Variants in ATP10B observed in about 807,000 individuals in gnomAD.
ATP10B encodes ATPase phospholipid transporting 10B (putative), also known as phospholipid-transporting ATPase VB.
ATP10B carries 122 observed loss-of-function variants against 141.2 expected under a neutral mutation model. The observed-to-expected ratio is 0.86, with a 90% CI of 0.75 to 1.00. ATP10B has a LOEUF of 1.00. ATP10B is among the 50% of genes least tolerant of loss of function. The pLI, the probability that ATP10B is intolerant of heterozygous loss-of-function variation, is 0.00. For synonymous variants in ATP10B, 685 were observed against 692.0 expected (o/e 0.99, Z 0.16); for missense variants, 1,876 against 1,825.3 (o/e 1.03, Z -0.51).
the ATP10B span, among the ~76,000 whole-genome samples, chr5:160,880,771 C>T: frequency 6.6e-6 from 1 of 152,124 alleles, no homozygotes; most frequent in Non-Finnish European, 1.5e-5. Context: ...ACAGATCTTA[C>T]ATCTTTCACA....
In ATP10B at chr5:160,612,802, G is replaced by A. The variant is rs1736370588; in HGVS notation, c.2777C>T (p.Ala926Val). The change falls in exon 18 of 26, where the codon GCC (alanine) becomes GTC (valine). Residue 926 changes from alanine to valine, a missense_variant. Coordinates refer to ENST00000327245, the MANE Select transcript of ATP10B (RefSeq NM_025153.3). ...GDKQETAVNIAHSCRLLNQTD... is the reference protein window; with the variant it reads ...GDKQETAVNIVHSCRLLNQTD... The stretch of plus-strand genomic sequence containing the variant: ...CTGATTTAACAGTCTGCAGGAATGG[G>A]CAATGTTGACCGCTGTCTCCTGCTT... The A allele has an allele frequency of 6.2e-7, 1 of 1,613,902 alleles. No individual in the cohort carries two copies. The highest frequency in any genetic ancestry group is 1.3e-5 in the African/African-American group (1 of 74,894).
the ATP10B span, among the ~76,000 whole-genome samples, chr5:160,864,725 C>T: frequency 6.6e-6 from 1 of 151,974 alleles, no homozygotes; most frequent in Non-Finnish European, 1.5e-5. Context: ...TCAGTAAAGT[C>T]TCAGGATACA....
intron 7 of ATP10B, among the ~76,000 whole-genome samples, chr5:160,651,503 C>CA (rs1374543131): frequency 6.6e-6 from 1 of 151,816 alleles, no homozygotes; most frequent in Non-Finnish European, 1.5e-5. Context: ...AATTGTGCCT[C>CA]AAAAAACAGA....
the ATP10B span, among the ~76,000 whole-genome samples, chr5:160,909,581 A>G: frequency 1.3e-5 from 2 of 152,196 alleles, no homozygotes; most frequent in Non-Finnish European, 2.9e-5. Context: ...GCATTTCCCA[A>G]TGGAACAGCA....
intron 1 of ATP10B, among the ~76,000 whole-genome samples, chr5:160,834,469 T>C (rs757685908): frequency 6.6e-6 from 1 of 152,150 alleles, no homozygotes; most frequent in Non-Finnish European, 1.5e-5. Flanking sequence ...ATGAGGCAGA[T>C]ATAAATAGAG....
the ATP10B span, among the ~76,000 whole-genome samples, chr5:160,861,334 A>G: frequency 2.0e-5 from 3 of 151,968 alleles, no homozygotes; most frequent in African/African-American, 2.4e-5. Context: ...TTTTTAGCAT[A>G]TAAAACATGA....
chr5:160,853,002 G>T (rs1753886364), upstream of ATP10B, among the ~76,000 whole-genome samples: 1 of 152,114 alleles, frequency 6.6e-6, no homozygotes. Context: ...ATTTTGGTTG[G>T]TTGGTAGAGT....
At chr5:160,747,288 C>A (rs1234589809) in intron 2 of ATP10B, among the ~76,000 whole-genome samples, 3 of 152,134 alleles carry the variant, frequency 2.0e-5, no homozygotes, top group Non-Finnish European at 4.4e-5. Context: ...CTTCCTAGTA[C>A]TTTTTCAAGC....
chr5:160,860,431 C>A, the ATP10B span, among the ~76,000 whole-genome samples: 2 of 151,670 alleles, frequency 1.3e-5, no homozygotes, highest in Non-Finnish European at 2.9e-5. Flanking sequence ...TACCTTTCCC[C>A]AACATTAGGC....
At chr5:160,824,043 A>G (rs1432712373) in intron 1 of ATP10B, among the ~76,000 whole-genome samples, 1 of 151,870 alleles carries the variant, frequency 6.6e-6, no homozygotes, top group Non-Finnish European at 1.5e-5. Context: ...TTTTTTTGAG[A>G]CGGAGTCTGG....
At chr5:160,683,663 T>C (rs1763569343) in intron 6 of ATP10B, among the ~76,000 whole-genome samples, 1 of 152,226 alleles carries the variant, frequency 6.6e-6, no homozygotes, top group South Asian at 2.1e-4. Context: ...AGGAATGAGA[T>C]GGCCTAGGGT....
At position 160,785,634 on chromosome 5, in the gene ATP10B, T is replaced by A. The variant is rs1249354942; in HGVS notation, c.-406A>T. ...GAAGTCTCAGTGTTTATTGTTCTCATCTTTGTGTCCATGTGTAAGAAATGG... is the reference window on the plus strand; with the variant it reads ...GAAGTCTCAGTGTTTATTGTTCTCAACTTTGTGTCCATGTGTAAGAAATGG... On this transcript the variant is annotated 5_prime_UTR_variant, in exon 2 of 26. An upstream start codon of the reference 5' UTR is lost. Transcript: ENST00000327245. The A allele has an allele frequency of 3.9e-6, 5 of 1,267,762 alleles. No homozygotes were observed. The East Asian group carries it at 2.2e-4, about 57-fold the overall frequency. 78.5% of individuals were successfully genotyped at this position (1,267,762 alleles called of 1,614,324 possible).
Position 160,645,422 on chromosome 5 carries a change from G to A in ATP10B, c.762-1178C>T, listed in dbSNP as rs898591739. Among the ~76,000 whole-genome samples, 38 of 152,322 alleles carry A rather than the reference G, an allele frequency of 2.5e-4. 1 individual carries two copies. Among genetic ancestry groups the A allele is most frequent in the African/African-American group, 8.7e-4 (36 of 41,568 alleles). On this transcript the variant is annotated intron_variant, in intron 8 of 25. Coordinates refer to ENST00000327245, the MANE Select transcript of ATP10B (RefSeq NM_025153.3). ...GAAGGGCAGGTCATGGGTTCCTCTC[G>A]TTCCGAGCCACATCACTCACTCGGC...
intron 1 of ATP10B, among the ~76,000 whole-genome samples, chr5:160,827,986 A>G (rs1017519396): frequency 6.6e-6 from 1 of 152,172 alleles, no homozygotes. Context: ...TGTTTTGGTT[A>G]CTGTAGCCCT....
chr5:160,907,016 C>T, the ATP10B span, among the ~76,000 whole-genome samples: 1 of 152,248 alleles, frequency 6.6e-6, no homozygotes, highest in Admixed American at 6.5e-5. Context: ...CCACTCCCTC[C>T]TAGATTTCTT....
At chr5:160,595,904 C>T (rs1164193800) in intron 22 of ATP10B, among the ~76,000 whole-genome samples, 2 of 151,788 alleles carry the variant, frequency 1.3e-5, no homozygotes, top group African/African-American at 2.4e-5. Context: ...TAATCAATAG[C>T]TTACCAACCA....
At chr5:160,909,071 C>T in the ATP10B span, among the ~76,000 whole-genome samples, 313 of 152,238 alleles carry the variant, frequency 2.1e-3, 4 homozygotes, top group African/African-American at 7.2e-3. Flanking sequence ...CACCTGCTCA[C>T]CTTAAGTGGC....
rs545832202 is a variant in ATP10B, at chr5:160,774,495, G to A, written c.-331+11064C>T. On this transcript the variant is annotated intron_variant, in intron 2 of 25. Transcript: ENST00000327245. ...CTCTGTTGGTGACTTGAGGCTTAAG[G>A]AGACATCATATCTGCAAGCTGTTGG... Among the ~76,000 whole-genome samples, 110 of 152,310 alleles carry A rather than the reference G, an allele frequency of 7.2e-4. 2 individuals are homozygous for A. The highest frequency in any genetic ancestry group is 2.5e-3 in the African/African-American group (105 of 41,578).
the ATP10B span, among the ~76,000 whole-genome samples, chr5:160,899,136 G>A: frequency 6.6e-6 from 1 of 151,896 alleles, no homozygotes; most frequent in Admixed American, 6.6e-5. Flanking sequence ...CAGAACTTAA[G>A]GTATAATAAA....
Sources: allele counts gnomAD v4.1 joint callset (sites outside exome capture counted in the v4.1 genomes callset), GRCh38; gene constraint gnomAD v4.1.1; transcripts MANE v1.5; gene names NCBI Gene and HGNC (gene_info 2026-07-23, HGNC 2026-07-21).